Variants in NSMCE2 observed in about 807,000 individuals in gnomAD.
NSMCE2 encodes the protein NSE2 SUMO ligase component of SMC5/6 complex.
NSMCE2 carries 24 observed loss-of-function variants against 23.8 expected under a neutral mutation model. The ratio of observed to expected loss-of-function variants is 1.01; its 90% CI spans 0.73 to 1.42. The LOEUF is 1.42. Among genes scored for constraint, NSMCE2 ranks in the 40% most tolerant of loss-of-function variants. NSMCE2 has a pLI of 0.00. For missense variants in NSMCE2, 284 were observed against 296.5 expected (o/e 0.96, Z 0.31); for synonymous variants, 92 against 94.1 (o/e 0.98, Z 0.13).
At chr8:125,135,725 A>G (rs1470650227) in intron 3 of NSMCE2, among the ~76,000 whole-genome samples, 2 of 152,126 alleles carry the variant, frequency 1.3e-5, no homozygotes, top group African/African-American at 4.8e-5. Context: ...CCATGTAGGT[A>G]TATATCCATT....
intron 5 of NSMCE2, among the ~76,000 whole-genome samples, chr8:125,335,221 T>C (rs1830030897): frequency 6.6e-6 from 1 of 151,896 alleles, no homozygotes; most frequent in Non-Finnish European, 1.5e-5. Context: ...AGTGAGGAGG[T>C]ATGGGAAGCA....
chr8:125,272,261 G>A (rs1827233784), intron 5 of NSMCE2, among the ~76,000 whole-genome samples: 2 of 151,770 alleles, frequency 1.3e-5, no homozygotes, highest in Non-Finnish European at 2.9e-5. Flanking sequence ...TGATCCGCCC[G>A]CCTCAGCCTC....
chr8:125,241,342 T>C (rs1053900675), intron 5 of NSMCE2, among the ~76,000 whole-genome samples: 1 of 152,148 alleles, frequency 6.6e-6, no homozygotes, highest in African/African-American at 2.4e-5. Flanking sequence ...ATAATGCAGT[T>C]GAGGGGAGAT....
Position 125,204,650 on chromosome 8 carries a change from G to T in NSMCE2, c.418+22394G>T, listed in dbSNP as rs73349896. Among the ~76,000 whole-genome samples, 7 of 152,258 alleles carry T rather than the reference G, an allele frequency of 4.6e-5. No individual in the cohort carries two copies. The East Asian group carries it at 1.3e-3, about 29-fold the overall frequency. On this transcript the variant is annotated intron_variant, in intron 5 of 7. Coordinates refer to ENST00000287437, the MANE Select transcript of NSMCE2 (RefSeq NM_173685.4). ...TTTCCTCCTGCTGTAGAGCACAGGGGTTTTACTTTACATTTACCAAAAGCA... is the reference window on the plus strand; with the variant it reads ...TTTCCTCCTGCTGTAGAGCACAGGGTTTTTACTTTACATTTACCAAAAGCA...
chr8:125,142,847 C>A (rs890027822), intron 3 of NSMCE2, among the ~76,000 whole-genome samples: 14 of 152,186 alleles, frequency 9.2e-5, no homozygotes, highest in African/African-American at 2.7e-4. Flanking sequence ...GGTGATCCAC[C>A]CGCCTCAGCC....
At chr8:125,262,609 A>G (rs952192570) in intron 5 of NSMCE2, among the ~76,000 whole-genome samples, 14 of 152,314 alleles carry the variant, frequency 9.2e-5, no homozygotes, top group Non-Finnish European at 8.8e-5. Flanking sequence ...AGAGCTTACT[A>G]TGTGCCAGGC....
At chr8:125,366,066 G>A (rs1813777270) in intron 7 of NSMCE2, among the ~76,000 whole-genome samples, 1 of 151,998 alleles carries the variant, frequency 6.6e-6, no homozygotes. Context: ...CTTCATTCTG[G>A]GTCCTGCCCT....
chr8:125,102,627 A>C (rs1009122675), intron 3 of NSMCE2, 140 bp downstream of exon 3: 2 of 657,142 alleles, frequency 3.0e-6, no homozygotes, highest in South Asian at 1.9e-5. Flanking sequence ...TATTCTACAC[A>C]CCGCAGCAGG....
intron 4 of NSMCE2, among the ~76,000 whole-genome samples, chr8:125,153,158 A>G (rs1821133911): frequency 1.3e-5 from 2 of 151,518 alleles, no homozygotes; most frequent in South Asian, 4.2e-4. Flanking sequence ...TCTTTCTCAC[A>G]TTCAGTAGTT....
intron 5 of NSMCE2, among the ~76,000 whole-genome samples, chr8:125,301,957 C>A (rs1158927704): frequency 6.6e-6 from 1 of 151,720 alleles, no homozygotes; most frequent in Non-Finnish European, 1.5e-5. Flanking sequence ...GCCACCGCAC[C>A]TGCCCCAATT....
At chr8:125,115,673 C>T (rs562175182) in intron 3 of NSMCE2, among the ~76,000 whole-genome samples, 4 of 152,150 alleles carry the variant, frequency 2.6e-5, no homozygotes, top group Middle Eastern at 3.2e-3. Context: ...ATTGCTAGAA[C>T]CAGGTGGGTG....
chr8:125,324,509 G>A (rs1190686136), intron 5 of NSMCE2, among the ~76,000 whole-genome samples: 1 of 128,336 alleles, frequency 7.8e-6, no homozygotes, highest in Non-Finnish European at 1.6e-5. Flanking sequence ...ATGCAGCAAG[G>A]TGCCAGACCA....
intron 5 of NSMCE2, among the ~76,000 whole-genome samples, chr8:125,335,694 C>CT (rs1008136550): frequency 9.2e-5 from 14 of 152,254 alleles, no homozygotes; most frequent in Middle Eastern, 6.8e-3. Context: ...ACTAAGGTTC[C>CT]TTATTTGACA....
At chr8:125,248,388 TGA>T (rs1182409092) in intron 5 of NSMCE2, among the ~76,000 whole-genome samples, 10 of 152,230 alleles carry the variant, frequency 6.6e-5, no homozygotes, top group Non-Finnish European at 1.5e-4. Flanking sequence ...TATAAAGAAC[TGA>T]AACTGCAAGG....
chr8:125,252,480 C>T (rs562474747), intron 5 of NSMCE2, among the ~76,000 whole-genome samples: 14 of 152,138 alleles, frequency 9.2e-5, no homozygotes, highest in Non-Finnish European at 1.8e-4. Flanking sequence ...GAGCTGAGAT[C>T]CCGCCACTGC....
chr8:125,134,906 T>C (rs1049021399), intron 3 of NSMCE2, among the ~76,000 whole-genome samples: 1 of 150,888 alleles, frequency 6.6e-6, no homozygotes, highest in Non-Finnish European at 1.5e-5. Context: ...GAAAAATAAA[T>C]TTTGTTTTGT....
At chr8:125,363,164 GTGTC>G (rs1237986785) in intron 7 of NSMCE2, 1 of 152,154 alleles carries the variant, frequency 6.6e-6, no homozygotes, top group Non-Finnish European at 1.5e-5. Context: ...AGTCACAAAA[GTGTC>G]TGTATCCTCT....
intron 5 of NSMCE2, among the ~76,000 whole-genome samples, chr8:125,223,367 AAAAAT>A (rs935375884): frequency 2.0e-5 from 3 of 152,186 alleles, no homozygotes; most frequent in Non-Finnish European, 4.4e-5. Context: ...CAACAAAATC[AAAAAT>A]AAAATAAAAT....
At chr8:125,093,161 T>G (rs1381101881) in intron 1 of NSMCE2, among the ~76,000 whole-genome samples, 1 of 152,200 alleles carries the variant, frequency 6.6e-6, no homozygotes, top group East Asian at 1.9e-4. Context: ...GGGGCCTGTT[T>G]CCTGGTTCAT....
Sources: allele counts gnomAD v4.1 joint callset (sites outside exome capture counted in the v4.1 genomes callset), GRCh38; gene constraint gnomAD v4.1.1; transcripts MANE v1.5; gene names NCBI Gene and HGNC (gene_info 2026-07-23, HGNC 2026-07-21).